The following GPC6 variants were observed in gnomAD, a reference collection of about 807,000 sequenced individuals.
GPC6 encodes the protein glypican 6.
A neutral mutation model predicts 55.2 loss-of-function variants in GPC6; 14 were observed. The observed-to-expected ratio is 0.25, with a 90% confidence interval of 0.17 to 0.40. GPC6 has a LOEUF of 0.40. GPC6 is among the 10% of genes least tolerant of loss of function. The pLI, the probability that GPC6 is intolerant of heterozygous loss-of-function variation, is 1.00. For synonymous variants in GPC6, 278 were observed against 259.6 expected, an observed-to-expected ratio of 1.07 and a Z score of -0.68; for missense variants, 641 against 708.5, an observed-to-expected ratio of 0.90 and a Z score of 1.08.
intron 2 of GPC6, among the ~76,000 whole-genome samples, chr13:93,648,201 G>GA (rs747813000): frequency 7.7e-4 from 117 of 152,246 alleles, no homozygotes; most frequent in Non-Finnish European, 1.2e-3. Context: ...CTATGATGGG[G>GA]ATTGAGCATA....
chr13:93,893,311 T>C (rs2140319983), intron 3 of GPC6, among the ~76,000 whole-genome samples: 1 of 152,194 alleles, frequency 6.6e-6, no homozygotes, highest in East Asian at 1.9e-4. Context: ...CGCCTCGGCC[T>C]CCCAAGGTGA....
intron 4 of GPC6, among the ~76,000 whole-genome samples, chr13:94,107,041 G>A (rs544264521): frequency 2.0e-5 from 3 of 152,286 alleles, no homozygotes; most frequent in African/African-American, 7.2e-5. Context: ...AGACCCAACT[G>A]TGGTATCAGA....
chr13:94,027,547 A>G (rs1882948219), intron 3 of GPC6, among the ~76,000 whole-genome samples, 182 bp from the exon 4 acceptor site: 1 of 152,078 alleles, frequency 6.6e-6, no homozygotes, highest in Non-Finnish European at 1.5e-5. Context: ...GTTGACAGGG[A>G]CATGCAAAAA....
At chr13:93,732,676 G>T (rs1445473384) in intron 2 of GPC6, among the ~76,000 whole-genome samples, 1 of 152,056 alleles carries the variant, frequency 6.6e-6, no homozygotes, top group Non-Finnish European at 1.5e-5. Flanking sequence ...TTAAGAAATT[G>T]CTCTCTTTGG....
At chr13:93,291,270 A>G (rs545204537) in intron 1 of GPC6, among the ~76,000 whole-genome samples, 100 of 152,272 alleles carry the variant, frequency 6.6e-4, no homozygotes, top group African/African-American at 2.3e-3. Flanking sequence ...TTTTTGCCTT[A>G]GTGCTGGCAG....
intron 2 of GPC6, among the ~76,000 whole-genome samples, chr13:93,662,171 C>T (rs1880951898): frequency 1.3e-5 from 2 of 152,206 alleles, no homozygotes; most frequent in South Asian, 4.1e-4. Context: ...ATATGTTTCT[C>T]TTCCTTCCTG....
the GPC6 span, among the ~76,000 whole-genome samples, chr13:93,219,069 C>T: frequency 4.0e-5 from 6 of 149,880 alleles, no homozygotes; most frequent in African/African-American, 1.5e-4. Flanking sequence ...GCTGTTTTCT[C>T]CTACCCTGTC....
intron 2 of GPC6, among the ~76,000 whole-genome samples, chr13:93,633,536 T>C (rs1251129120): frequency 1.3e-5 from 2 of 151,952 alleles, no homozygotes; most frequent in Non-Finnish European, 2.9e-5. Flanking sequence ...CTCTGGAGGC[T>C]GAGGCAGGAG....
At chr13:94,164,812 A>C (rs1888294590) in intron 4 of GPC6, among the ~76,000 whole-genome samples, 1 of 152,184 alleles carries the variant, frequency 6.6e-6, no homozygotes, top group Admixed American at 6.5e-5. Context: ...TTTTTTACAA[A>C]ATAAACTAAC....
At chr13:93,356,149 G>A (rs1880842463) in intron 1 of GPC6, among the ~76,000 whole-genome samples, 2 of 152,280 alleles carry the variant, frequency 1.3e-5, no homozygotes, top group East Asian at 1.9e-4. Flanking sequence ...GGTACAGAAG[G>A]AAATTTGGTC....
chr13:94,396,501 C>T (rs1452503555), intron 7 of GPC6, among the ~76,000 whole-genome samples: 2 of 152,242 alleles, frequency 1.3e-5, no homozygotes, highest in Non-Finnish European at 2.9e-5. Flanking sequence ...ACTCCTGCAG[C>T]TTCAAGGGGT....
intron 1 of GPC6, among the ~76,000 whole-genome samples, chr13:93,399,874 C>G (rs995290034): frequency 6.6e-5 from 10 of 152,178 alleles, no homozygotes; most frequent in African/African-American, 2.4e-4. Context: ...CATGTGTGTT[C>G]TACAAGCTTC....
intron 1 of GPC6, among the ~76,000 whole-genome samples, chr13:93,444,157 G>A (rs1877908651): frequency 7.0e-6 from 1 of 143,466 alleles, no homozygotes; most frequent in Non-Finnish European, 1.5e-5. Context: ...AGTATCCACA[G>A]CAAAAAATTT....
At chr13:93,672,164 A>T (rs66647578) in intron 2 of GPC6, among the ~76,000 whole-genome samples, 618 of 60,092 alleles carry the variant, frequency 0.01, 8 homozygotes, top group East Asian at 0.018. Context: ...TTTTTTTTTT[A>T]GTAGCTAATA....
chr13:94,286,404 C>CATGGACCCG lies in GPC6; in HGVS notation c.936_944dup (p.Met312_Pro314dup), dbSNP rs1247615664. 1 of 1,613,416 alleles carries CATGGACCCG rather than the reference C, an allele frequency of 6.2e-7. No individual in the cohort carries two copies. The highest frequency in any genetic ancestry group is 1.7e-5 in the Admixed American group (1 of 59,960). ...AGGGGCCATTCAACATTGAGTCGGT[C>CATGGACCCG]ATGGACCCGATAGATGTCAAGATTT... On this transcript the variant is annotated inframe_insertion, in exon 5 of 9. Coordinates refer to ENST00000377047, the MANE Select transcript of GPC6 (RefSeq NM_005708.5).
intron 3 of GPC6, among the ~76,000 whole-genome samples, chr13:93,908,717 G>A (rs566933179): frequency 1.3e-5 from 2 of 152,152 alleles, no homozygotes; most frequent in South Asian, 4.2e-4. Context: ...TCTCTCCTGC[G>A]ACTCTCAGGC....
At chr13:93,882,407 A>G (rs1484922266) in intron 3 of GPC6, among the ~76,000 whole-genome samples, 5 of 152,032 alleles carry the variant, frequency 3.3e-5, no homozygotes, top group Non-Finnish European at 5.9e-5. Context: ...AGGCTCCCAA[A>G]GTGCTGGGAT....
At chr13:93,764,188 A>G (rs61962116) in intron 2 of GPC6, among the ~76,000 whole-genome samples, 31,515 of 151,976 alleles carry the variant, frequency 0.21, 3,783 homozygotes, top group Middle Eastern at 0.31. Flanking sequence ...ACCCTTTGCT[A>G]TGTATTTTGT....
At chr13:93,525,042 T>C (rs940545139) in intron 1 of GPC6, among the ~76,000 whole-genome samples, 4 of 152,114 alleles carry the variant, frequency 2.6e-5, no homozygotes, top group African/African-American at 7.2e-5. Context: ...ATGGAAGCTG[T>C]AGACTCCTAC....
Sources: allele counts gnomAD v4.1 joint callset (sites outside exome capture counted in the v4.1 genomes callset), GRCh38; gene constraint gnomAD v4.1.1; transcripts MANE v1.5; gene names NCBI Gene and HGNC (gene_info 2026-07-23, HGNC 2026-07-21).